SLC37A1: variants seen among roughly 807,000 people sequenced by gnomAD.
SLC37A1 encodes glucose-6-phosphate exchanger SLC37A1.
SLC37A1 carries 49 observed loss-of-function variants against 75.3 expected under a neutral mutation model. That is an observed-to-expected ratio of 0.65 (90% CI 0.52 to 0.83). The LOEUF is 0.83. Among genes scored for constraint, SLC37A1 ranks in the 40% least tolerant of loss-of-function variants. The pLI is 0.00. For missense variants in SLC37A1, 566 were observed against 695.0 expected (o/e 0.81, Z 2.09); for synonymous variants, 268 against 292.1 (o/e 0.92, Z 0.84).
intron 19 of SLC37A1, among the ~76,000 whole-genome samples, chr21:42,580,022 T>C (rs1183027487): frequency 6.6e-6 from 1 of 152,186 alleles, no homozygotes; most frequent in Non-Finnish European, 1.5e-5. Context: ...TGTGAGGGAA[T>C]TGCCGTCTTT....
At position 42,574,871 on chromosome 21, in the gene SLC37A1, A is replaced by G. The variant is rs763286674; in HGVS notation, c.1477A>G (p.Asn493Asp). 1.2e-6 allele frequency: 2 copies of G among 1,614,166 alleles called. No individual in the cohort carries two copies. ...GCTCCTCTCCCCGTCCGGCTGGAGC[A>G]ATGTGTTTTACATGCTGATGTTTGC... ...AGLLSPSGWS[N>D]VFYMLMFADA... The change falls in exon 18 of 20, where the codon AAT becomes GAT. Residue 493 changes from asparagine (N) to aspartate (D), a missense_variant. By Grantham distance (23) the Asn-to-Asp change is conservative (BLOSUM62 1). Transcript: ENST00000352133.
In SLC37A1 at chr21:42,542,478, A is replaced by G; in HGVS notation, c.561A>G (p.Gly187=). 6.2e-7 allele frequency: 1 copy of G among 1,614,002 alleles called. No individual in the cohort carries two copies. Among genetic ancestry groups the G allele is most frequent in the Admixed American group, 1.7e-5 (1 of 60,030 alleles). Residue 187 remains glycine (G), a splice_region_variant and synonymous_variant, in exon 7 of 20, where the codon GGA becomes GGG. Coordinates refer to ENST00000352133, the MANE Select transcript of SLC37A1 (RefSeq NM_001320537.2). ...GCCTCGGCAACTGGTTTGGAAAAGG[A>G]AGGTGAGAAAAAGCAGCCCTGTTTC... is the stretch of plus-strand genomic sequence containing the variant. The part of the protein sequence containing the change: ...VTCLGNWFGK[G]RRGLIMGVWN...
At position 42,559,206 on chromosome 21, in the gene SLC37A1, C is replaced by T. The variant is rs188147374; in HGVS notation, c.981+117C>T. 2,922 of 1,323,672 alleles carry T rather than the reference C, an allele frequency of 2.2e-3. 4 individuals are homozygous for T. The highest frequency in any genetic ancestry group is 2.7e-3 in the Non-Finnish European group (2,689 of 985,820). 82.0% of individuals were successfully genotyped at this position (1,323,672 alleles called of 1,614,324 possible). ...TCTGTGGTTGTAGAACCCGGGGATT[C>T]GAATCCATAGCCAAAGCTAGACGCT... On this transcript the variant is annotated intron_variant, in intron 11 of 19. Coordinates refer to ENST00000352133, the MANE Select transcript of SLC37A1 (RefSeq NM_001320537.2).
intron 10 of SLC37A1, among the ~76,000 whole-genome samples, chr21:42,555,144 C>T (rs1276370778): frequency 1.3e-5 from 2 of 152,162 alleles, no homozygotes; most frequent in Non-Finnish European, 1.5e-5. Flanking sequence ...CACCACCACA[C>T]CTGGCTGAAT....
chr21:42,572,088 G>A (rs1297617637), intron 17 of SLC37A1, among the ~76,000 whole-genome samples: 1 of 152,212 alleles, frequency 6.6e-6, no homozygotes, highest in East Asian at 1.9e-4. Context: ...ACAAGTGCGT[G>A]ATGGCTGGAT....
chr21:42,569,409 C>T (rs1311070894), intron 17 of SLC37A1, among the ~76,000 whole-genome samples: 2 of 152,356 alleles, frequency 1.3e-5, no homozygotes, highest in African/African-American at 2.4e-5. Context: ...GCTGCTCCTC[C>T]GAAGGCCAGG....
chr21:42,531,209 C>CCCGGCCCCGCCG (rs1348953033), intron 3 of SLC37A1, among the ~76,000 whole-genome samples: 1 of 152,156 alleles, frequency 6.6e-6, no homozygotes, highest in Admixed American at 6.5e-5. Flanking sequence ...CGCTGTGACT[C>CCCGGCCCCGCCG]CCGGCCCCGC....
rs957383816 is a variant in SLC37A1 at position 42,552,689 on chromosome 21, T to C, written c.769-1373T>C. Among the ~76,000 whole-genome samples the C allele has an allele frequency of 6.6e-6, 1 of 152,164 alleles. No homozygotes were observed. Among genetic ancestry groups the C allele is most frequent in the Non-Finnish European group, 1.5e-5 (1 of 68,002 alleles). ...CAGGCCCCTTCCCTTTCAGGAGACT[T>C]CCTAGCATTTCCTAACATCATTTCT... On this transcript the variant is annotated intron_variant, in intron 9 of 19. Coordinates refer to ENST00000352133, the MANE Select transcript of SLC37A1 (RefSeq NM_001320537.2). The surrounding 1 kb of genome is among the most constrained non-coding windows in gnomAD (Gnocchi z 4.2).
chr21:42,572,367 A>C (rs12483004), intron 17 of SLC37A1, among the ~76,000 whole-genome samples: 33,447 of 151,938 alleles, frequency 0.22, 4,635 homozygotes, highest in Non-Finnish European at 0.32. Context: ...TGTTCGTTTG[A>C]TAAGTTTTCC....
chr21:42,571,043 G>A (rs1032502000), intron 17 of SLC37A1, among the ~76,000 whole-genome samples: 2 of 152,218 alleles, frequency 1.3e-5, no homozygotes, highest in African/African-American at 4.8e-5. Flanking sequence ...GCCCATCAGT[G>A]CCTGCTGCCT....
At chr21:42,556,746 T>A (rs2146956012) in intron 10 of SLC37A1, among the ~76,000 whole-genome samples, 1 of 152,282 alleles carries the variant, frequency 6.6e-6, no homozygotes, top group South Asian at 2.1e-4. Flanking sequence ...ACCCAGTGGC[T>A]TCTTGTTTGC....
At chr21:42,579,546 C>CTCATCAGACAGCCCTGCCCTCATCAG (rs2056375264) in intron 18 of SLC37A1, among the ~76,000 whole-genome samples, 190 bp from the exon 19 acceptor site, 7 of 152,174 alleles carry the variant, frequency 4.6e-5, no homozygotes, top group African/African-American at 1.4e-4. Flanking sequence ...CAGCCCTGCC[C>CTCATCAGACAGCCCTGCCCTCATCAG]ACAGGAGCCC....
chr21:42,543,839 C>T (rs547382805), intron 8 of SLC37A1, among the ~76,000 whole-genome samples: 1 of 152,338 alleles, frequency 6.6e-6, no homozygotes, highest in South Asian at 2.1e-4. Context: ...TCCTTCCTCC[C>T]GTCCTCCTGT....
chr21:42,565,447 T>C (rs1424487724), intron 14 of SLC37A1, among the ~76,000 whole-genome samples: 1 of 152,250 alleles, frequency 6.6e-6, no homozygotes, highest in Non-Finnish European at 1.5e-5. Context: ...GAAGAAATGC[T>C]TGGGTGGGCC....
chr21:42,518,947 C>T (rs61084824), intron 2 of SLC37A1, among the ~76,000 whole-genome samples: 3,816 of 152,292 alleles, frequency 0.025, 135 homozygotes, highest in African/African-American at 0.087. Flanking sequence ...TGCTGCTTTC[C>T]GTTCAGAGAG....
At chr21:42,500,211 A>T (rs1399175889) in intron 1 of SLC37A1, among the ~76,000 whole-genome samples, 1 of 152,242 alleles carries the variant, frequency 6.6e-6, no homozygotes, top group Non-Finnish European at 1.5e-5. Flanking sequence ...TATTAGAATA[A>T]TTGTACTCTG....
intron 19 of SLC37A1, 85 bp from the exon 20 acceptor site, chr21:42,580,260 T>G: frequency 6.6e-7 from 1 of 1,507,248 alleles, no homozygotes. Flanking sequence ...CCCCATAGGA[T>G]TTGCACATGG....
At chr21:42,502,318 T>C (rs1601644840) in exon 2 of SLC37A1, 1 of 152,216 alleles carries the variant, frequency 6.6e-6, no homozygotes, top group Non-Finnish European at 1.5e-5. Context: ...GAGAGATTGC[T>C]GAGCCTAAAT....
At chr21:42,539,446 CCA>C in intron 5 of SLC37A1, 64 bp from the exon 6 acceptor site, 1 of 1,532,470 alleles carries the variant, frequency 6.5e-7, no homozygotes, top group Non-Finnish European at 8.8e-7. Flanking sequence ...CAAGAAACAG[CCA>C]CGAGGTTGCT....
Sources: gnomAD v4.1 joint callset for allele counts (sites outside exome capture counted in the v4.1 genomes callset) on GRCh38, gnomAD v4.1.1 for gene constraint, Gnocchi (gnomAD v3.1) non-coding constraint, MANE v1.5 for transcripts, NCBI Gene and HGNC (gene_info 2026-07-23, HGNC 2026-07-21) for gene names.